Variants in HCN1 observed in about 807,000 individuals in gnomAD.
The protein encoded by HCN1 is hyperpolarization activated cyclic nucleotide gated potassium channel 1.
In HCN1, 13 loss-of-function variants were observed where a neutral mutation model predicts 78.9. That is an observed-to-expected ratio of 0.16 (90% CI 0.11 to 0.26). HCN1 has a LOEUF of 0.26. Ranked by LOEUF, HCN1 falls within the 10% of genes least tolerant of loss-of-function variation. HCN1 has a pLI of 1.00. For synonymous variants in HCN1, 552 were observed against 455.5 expected (o/e 1.21, Z -2.70); for missense variants, 810 against 1,154.3 (o/e 0.70, Z 4.32).
intron 4 of HCN1, among the ~76,000 whole-genome samples, chr5:45,365,227 G>T (rs902079370): frequency 6.6e-6 from 1 of 151,614 alleles, no homozygotes; most frequent in Non-Finnish European, 1.5e-5. Flanking sequence ...GAATTCATGT[G>T]TTTGTTTGTT....
At chr5:45,613,913 G>C (rs1175002763) in intron 2 of HCN1, among the ~76,000 whole-genome samples, 1 of 152,158 alleles carries the variant, frequency 6.6e-6, no homozygotes, top group Non-Finnish European at 1.5e-5. Flanking sequence ...ATAATCCGCA[G>C]TCTTATGAGC....
intron 1 of HCN1, among the ~76,000 whole-genome samples, chr5:45,658,233 T>G (rs2112052081): frequency 6.6e-6 from 1 of 152,204 alleles, no homozygotes; most frequent in South Asian, 2.1e-4. Context: ...ACACAAAAAT[T>G]AATTCCAGAT....
At chr5:45,598,706 C>T (rs1440136116) in intron 2 of HCN1, among the ~76,000 whole-genome samples, 1 of 152,114 alleles carries the variant, frequency 6.6e-6, no homozygotes, top group African/African-American at 2.4e-5. Context: ...ACAAAGAACT[C>T]AAACAAATTT....
chr5:45,364,809 G>C (rs1180335453), intron 4 of HCN1, among the ~76,000 whole-genome samples: 1 of 151,956 alleles, frequency 6.6e-6, no homozygotes, highest in East Asian at 1.9e-4. Context: ...GTATGTATGG[G>C]GTTGAAACTG....
intron 6 of HCN1, among the ~76,000 whole-genome samples, chr5:45,280,477 T>A (rs1459404849): frequency 1.3e-5 from 2 of 152,196 alleles, no homozygotes; most frequent in Non-Finnish European, 2.9e-5. Context: ...TTGGGCCAGA[T>A]AATTTTTTGG....
chr5:45,405,315 C>T (rs1739900045), intron 3 of HCN1, among the ~76,000 whole-genome samples: 1 of 152,066 alleles, frequency 6.6e-6, no homozygotes, highest in African/African-American at 2.4e-5. Context: ...TTGAATACAC[C>T]ATAATTTTAT....
At chr5:45,334,912 AGT>A (rs1746423385) in intron 5 of HCN1, among the ~76,000 whole-genome samples, 1 of 152,074 alleles carries the variant, frequency 6.6e-6, no homozygotes, top group African/African-American at 2.4e-5. Flanking sequence ...AAAATCAACA[AGT>A]GTGTAGTTTA....
Position 45,442,026 on chromosome 5 carries a change from G to A in HCN1, c.1011+19820C>T, listed in dbSNP as rs544806267. On this transcript the variant is annotated intron_variant, in intron 3 of 7. Transcript: ENST00000303230. ...TATTTAACTTGTCTGTTGTTTGTCT[G>A]TTGTGTCCTTTTAACTTTATTTATG... Among the ~76,000 whole-genome samples the A allele has an allele frequency of 5.3e-5, 8 of 152,044 alleles. No individual in the cohort carries two copies. In the South Asian group the frequency reaches 1.7e-3, roughly 31 times the overall value.
Position 45,465,704 on chromosome 5 carries a change from G to A in HCN1, c.850-3697C>T, listed in dbSNP as rs544752285. On this transcript the variant is annotated intron_variant, in intron 2 of 7. Transcript: ENST00000303230. ...TGGGAGGTGGAGGTTGCAGTGAGTCGAGATCATGCCACTGCACTTCAGCCT... is the reference window on the plus strand; with the variant it reads ...TGGGAGGTGGAGGTTGCAGTGAGTCAAGATCATGCCACTGCACTTCAGCCT... Among the ~76,000 whole-genome samples the A allele has an allele frequency of 1.2e-4, 19 of 152,084 alleles. No homozygotes were observed. In the East Asian group the frequency reaches 3.3e-3, roughly 26 times the overall value.
chr5:45,368,450 T>A (rs1365710090), intron 4 of HCN1, among the ~76,000 whole-genome samples: 2 of 152,016 alleles, frequency 1.3e-5, no homozygotes, highest in African/African-American at 2.4e-5. Flanking sequence ...ATGGAATAAT[T>A]TGATTTGGAA....
At chr5:45,332,825 T>A (rs1427117068) in intron 5 of HCN1, among the ~76,000 whole-genome samples, 1 of 151,754 alleles carries the variant, frequency 6.6e-6, no homozygotes, top group Non-Finnish European at 1.5e-5. Context: ...GGATCTCATT[T>A]TTTTTTATGG....
chr5:45,533,362 C>T (rs116567257), intron 2 of HCN1, among the ~76,000 whole-genome samples: 1 of 152,066 alleles, frequency 6.6e-6, no homozygotes, highest in African/African-American at 2.4e-5. Flanking sequence ...TTTCTCTCTC[C>T]TCTGAGTTTA....
intron 5 of HCN1, among the ~76,000 whole-genome samples, chr5:45,323,526 C>T (rs1746168829): frequency 2.6e-5 from 4 of 151,614 alleles, no homozygotes; most frequent in Non-Finnish European, 1.5e-5. Flanking sequence ...AGAAAGAATT[C>T]AACAAGACAA....
In HCN1 at chr5:45,271,359, T is replaced by TACACACACAC. The variant is rs34016747; in HGVS notation, c.1619-4116_1619-4107dup. Among the ~76,000 whole-genome samples, 165 of 137,402 alleles carry TACACACACAC rather than the reference T, an allele frequency of 1.2e-3. 1 individual carries two copies. The highest frequency in any genetic ancestry group is 3.6e-3 in the Middle Eastern group (1 of 274). The allele number at this position is 137,402 out of a possible 152,430, so 90.1% of individuals were successfully genotyped here. On this transcript the variant is annotated intron_variant, in intron 6 of 7. Coordinates refer to ENST00000303230, the MANE Select transcript of HCN1 (RefSeq NM_021072.4). Reference sequence around the variant, plus strand: ...ATGTCTGGTTTCCTGCTGATTCAGGTACACACACACACACACACACACACA... The same window carrying TACACACACAC: ...ATGTCTGGTTTCCTGCTGATTCAGGTACACACACACACACACACACACACACACACACACA...
intron 1 of HCN1, among the ~76,000 whole-genome samples, chr5:45,691,087 ATGT>A (rs561698680): frequency 8.6e-4 from 131 of 152,156 alleles, no homozygotes; most frequent in African/African-American, 2.7e-3. Context: ...TGTGGTGGTG[ATGT>A]TGTTTTGGTT....
intron 3 of HCN1, among the ~76,000 whole-genome samples, chr5:45,435,668 C>A (rs1056270740): frequency 6.6e-6 from 1 of 151,918 alleles, no homozygotes; most frequent in African/African-American, 2.4e-5. Context: ...GGTTTAATAT[C>A]AATAAAGAGA....
intron 2 of HCN1, among the ~76,000 whole-genome samples, chr5:45,560,185 G>C (rs1743565987): frequency 6.6e-6 from 1 of 152,000 alleles, no homozygotes; most frequent in African/African-American, 2.4e-5. Flanking sequence ...TGCTATATTT[G>C]CTTTATTGCA....
intron 2 of HCN1, among the ~76,000 whole-genome samples, chr5:45,527,700 C>G (rs182328019): frequency 6.6e-6 from 1 of 151,968 alleles, no homozygotes; most frequent in Non-Finnish European, 1.5e-5. Flanking sequence ...CTTTTGAGCC[C>G]AGAAACTTCC....
chr5:45,263,522 T>G (rs1276694093), intron 7 of HCN1, among the ~76,000 whole-genome samples: 1 of 152,210 alleles, frequency 6.6e-6, no homozygotes, highest in Non-Finnish European at 1.5e-5. Flanking sequence ...AATCAGATGT[T>G]GCATTTTACT....
Sources: allele counts gnomAD v4.1 joint callset (sites outside exome capture counted in the v4.1 genomes callset), GRCh38; gene constraint gnomAD v4.1.1; transcripts MANE v1.5; gene names NCBI Gene and HGNC (gene_info 2026-07-23, HGNC 2026-07-21).